CNTLN: variants seen among roughly 807,000 people sequenced by gnomAD.
The protein encoded by CNTLN is centlein, centrosomal protein.
Under a neutral mutation model 180.0 loss-of-function variants are expected in CNTLN, and 212 were observed. That is an observed-to-expected ratio of 1.18 (90% CI 1.05 to 1.32). CNTLN has a LOEUF of 1.32. Ranked by LOEUF, CNTLN falls within the 40% of genes most tolerant of loss-of-function variation. CNTLN has a pLI of 0.00. For synonymous variants in CNTLN, 722 were observed against 563.1 expected (o/e 1.28, Z -3.99); for missense variants, 2,095 against 1,610.9 (o/e 1.30, Z -5.14).
intron 5 of CNTLN, among the ~76,000 whole-genome samples, chr9:17,250,934 C>T (rs1182060408): frequency 6.6e-6 from 1 of 152,006 alleles, no homozygotes; most frequent in Non-Finnish European, 1.5e-5. Context: ...TCTTGTAGTG[C>T]ATCTGAAGTG....
intron 5 of CNTLN, among the ~76,000 whole-genome samples, chr9:17,247,429 A>G (rs2132245866): frequency 6.6e-6 from 1 of 152,264 alleles, no homozygotes; most frequent in South Asian, 2.1e-4. Context: ...TGTAGTGCAA[A>G]GTTCCACAGT....
In CNTLN at chr9:17,183,082, G is replaced by A. The variant is rs145915320; in HGVS notation, c.449+39706G>A. Among the ~76,000 whole-genome samples, 253 of 152,256 alleles carry A rather than the reference G, an allele frequency of 1.7e-3. 2 individuals carry two copies. The highest frequency in any genetic ancestry group is 3.0e-3 in the Non-Finnish European group (201 of 68,006). On this transcript the variant is annotated intron_variant, in intron 2 of 25. Coordinates refer to ENST00000380647, the MANE Select transcript of CNTLN (RefSeq NM_017738.4). ...TTACTAATGATTCTAGTAGTTAAGT[G>A]TATCTGTGAGTAGATAATAGTGATG...
At chr9:17,249,759 T>C (rs1218404486) in intron 5 of CNTLN, among the ~76,000 whole-genome samples, 1 of 151,910 alleles carries the variant, frequency 6.6e-6, no homozygotes, top group Non-Finnish European at 1.5e-5. Context: ...GTTATATTAC[T>C]GTTTTAACAT....
intron 13 of CNTLN, among the ~76,000 whole-genome samples, chr9:17,368,374 C>T (rs922363700): frequency 1.3e-5 from 2 of 152,164 alleles, no homozygotes; most frequent in Non-Finnish European, 2.9e-5. Flanking sequence ...ACTCTACTCC[C>T]TGGCTCCTAG....
intron 5 of CNTLN, among the ~76,000 whole-genome samples, chr9:17,259,249 T>G (rs1057363115): frequency 6.7e-5 from 10 of 149,406 alleles, no homozygotes; most frequent in Admixed American, 6.6e-4. Context: ...GTTTTTGTCT[T>G]TGGTTCTGTT....
intron 13 of CNTLN, among the ~76,000 whole-genome samples, chr9:17,372,804 G>T (rs928189085): frequency 6.6e-6 from 1 of 152,124 alleles, no homozygotes; most frequent in Admixed American, 6.5e-5. Context: ...TTATCCAAGG[G>T]TTGCAAGGAT....
chr9:17,324,493 G>A lies in CNTLN; in HGVS notation c.1342-6139G>A, dbSNP rs575416977. Among the ~76,000 whole-genome samples the A allele has an allele frequency of 2.6e-5, 4 of 152,224 alleles. No individual in the cohort carries two copies. The South Asian group carries it at 8.3e-4, about 32-fold the overall frequency. On this transcript the variant is annotated intron_variant, in intron 8 of 25. Coordinates refer to ENST00000380647, the MANE Select transcript of CNTLN (RefSeq NM_017738.4). The stretch of plus-strand genomic sequence containing the variant: ...GGAATCTATAGGTAATTTGTAAATT[G>A]TGGAGTTATTCTAAACCCTCTTGTG...
chr9:17,419,247 T>G (rs996547810), intron 18 of CNTLN, among the ~76,000 whole-genome samples: 2 of 152,146 alleles, frequency 1.3e-5, no homozygotes, highest in Non-Finnish European at 2.9e-5. Context: ...CAAAAGCAGG[T>G]ACTGTAAATA....
At chr9:17,305,868 A>T (rs1759462) in intron 7 of CNTLN, among the ~76,000 whole-genome samples, 30,301 of 151,994 alleles carry the variant, frequency 0.2, 3,722 homozygotes, top group African/African-American at 0.34. Flanking sequence ...CAAGTAGGAG[A>T]TGTATATTTG....
intron 5 of CNTLN, among the ~76,000 whole-genome samples, chr9:17,245,355 G>T (rs1479390548): frequency 6.7e-6 from 1 of 149,138 alleles, no homozygotes; most frequent in Non-Finnish European, 1.5e-5. Flanking sequence ...CTTTAAATAT[G>T]TCATGACACT....
chr9:17,367,950 G>T (rs1055807469), intron 13 of CNTLN, among the ~76,000 whole-genome samples: 26 of 152,102 alleles, frequency 1.7e-4, no homozygotes, highest in African/African-American at 5.3e-4. Flanking sequence ...AGAAACCCCT[G>T]CATGAGAAAA....
intron 13 of CNTLN, among the ~76,000 whole-genome samples, chr9:17,370,818 A>G (rs184600528): frequency 2.0e-4 from 31 of 152,246 alleles, no homozygotes; most frequent in African/African-American, 7.5e-4. Context: ...AATAATTTTT[A>G]TCAGTTTTGT....
intron 5 of CNTLN, among the ~76,000 whole-genome samples, chr9:17,250,709 AT>A (rs1826086340): frequency 6.6e-6 from 1 of 151,920 alleles, no homozygotes; most frequent in Non-Finnish European, 1.5e-5. Flanking sequence ...TTTATACACT[AT>A]TTATGTAGTT....
chr9:17,312,634 G>C (rs943713851), intron 8 of CNTLN, among the ~76,000 whole-genome samples: 6 of 147,264 alleles, frequency 4.1e-5, no homozygotes, highest in African/African-American at 1.5e-4. Flanking sequence ...CGATCTCCTG[G>C]CCTCGTTATC....
intron 25 of CNTLN, among the ~76,000 whole-genome samples, chr9:17,490,414 T>C (rs1252217173): frequency 6.6e-6 from 1 of 152,030 alleles, no homozygotes; most frequent in Admixed American, 6.6e-5. Flanking sequence ...GAGAGAAAGA[T>C]AATGATATCT....
intron 8 of CNTLN, among the ~76,000 whole-genome samples, chr9:17,314,107 C>T (rs1819388294): frequency 6.6e-6 from 1 of 152,170 alleles, no homozygotes; most frequent in African/African-American, 2.4e-5. Context: ...ACTTTATATT[C>T]AGTTTAACTG....
rs930302525 is a variant in CNTLN, at chr9:17,263,678, A to G, written c.850-10055A>G. On this transcript the variant is annotated intron_variant, in intron 5 of 25. Coordinates refer to ENST00000380647, the MANE Select transcript of CNTLN (RefSeq NM_017738.4). ...CCACCAACAGTGTAAAAGTGTTCCT[A>G]TTTCTGCACATCCTCTCCAGCCCCT... is the stretch of plus-strand genomic sequence containing the variant. 5.6e-5 allele frequency among the ~76,000 whole-genome samples: 8 copies of G among 143,020 alleles called. 1 individual carries two copies. Among genetic ancestry groups the G allele is most frequent in the Non-Finnish European group, 7.5e-5 (5 of 66,466 alleles). 93.8% of individuals were successfully genotyped at this position (143,020 alleles called of 152,430 possible). A position where few individuals can be genotyped will look rare whatever the true frequency, so the allele number is the denominator to read the frequency against.
At chr9:17,457,488 A>ATATATTTTAAAAGTAAC in intron 18 of CNTLN, 36 bp from the exon 19 acceptor site, 1 of 1,118,266 alleles carries the variant, frequency 8.9e-7, no homozygotes, top group Non-Finnish European at 1.2e-6. Context: ...TACTTTTAAA[A>ATATATTTTAAAAGTAAC]TATATTTATA....
intron 25 of CNTLN, among the ~76,000 whole-genome samples, chr9:17,501,547 G>A (rs554372669): frequency 2.6e-5 from 4 of 152,352 alleles, no homozygotes; most frequent in South Asian, 4.1e-4. Context: ...GACAAAGGCC[G>A]TTAGGCCATC....
Sources: allele counts gnomAD v4.1 joint callset (sites outside exome capture counted in the v4.1 genomes callset), GRCh38; gene constraint gnomAD v4.1.1; transcripts MANE v1.5; gene names NCBI Gene and HGNC (gene_info 2026-07-23, HGNC 2026-07-21).